The following EPAS1 variants were observed in gnomAD, a reference collection of about 807,000 sequenced individuals.
EPAS1 encodes the protein endothelial PAS domain protein 1.
EPAS1 carries 23 observed loss-of-function variants against 87.9 expected under a neutral mutation model. The observed-to-expected ratio is 0.26, with a 90% CI of 0.19 to 0.37. EPAS1 has a LOEUF of 0.37. Among genes scored for constraint, EPAS1 ranks in the 10% least tolerant of loss-of-function variants. The pLI is 1.00. For synonymous variants in EPAS1, 508 were observed against 444.3 expected, an observed-to-expected ratio of 1.14 and a Z score of -1.80; for missense variants, 1,138 against 1,120.7, an observed-to-expected ratio of 1.02 and a Z score of -0.22.
At chr2:46,367,611 G>A (rs1306466273) in intron 6 of EPAS1, among the ~76,000 whole-genome samples, 1 of 152,230 alleles carries the variant, frequency 6.6e-6, no homozygotes, top group Non-Finnish European at 1.5e-5. Context: ...TTGCTAATGA[G>A]TTCAGAGACC....
At chr2:46,364,995 A>G (rs1684471613) in intron 6 of EPAS1, among the ~76,000 whole-genome samples, 2 of 152,212 alleles carry the variant, frequency 1.3e-5, no homozygotes, top group African/African-American at 4.8e-5. Context: ...ATTTACCCAA[A>G]AGGAAGACAA....
intron 4 of EPAS1, among the ~76,000 whole-genome samples, chr2:46,359,995 A>C (rs1684355511): frequency 6.6e-6 from 1 of 152,208 alleles, no homozygotes; most frequent in African/African-American, 2.4e-5. Context: ...GTTAATCCAT[A>C]AAGTGGACTT....
chr2:46,326,989 G>A (rs1376266631), intron 1 of EPAS1, among the ~76,000 whole-genome samples: 1 of 152,130 alleles, frequency 6.6e-6, no homozygotes, highest in Non-Finnish European at 1.5e-5. Flanking sequence ...TTCTTCAACT[G>A]CAAAATGTAG....
intron 1 of EPAS1, among the ~76,000 whole-genome samples, chr2:46,338,324 A>C (rs1346204009): frequency 6.6e-6 from 1 of 152,246 alleles, no homozygotes; most frequent in Non-Finnish European, 1.5e-5. Flanking sequence ...GGAAAGAGTC[A>C]CATGTGGTTG....
rs904431250 is a variant in EPAS1 at position 46,300,730 on chromosome 2, A to G, written c.26+2793A>G. On this transcript the variant is annotated intron_variant, in intron 1 of 15. Coordinates refer to ENST00000263734, the MANE Select transcript of EPAS1 (RefSeq NM_001430.5). This position sits in a 1 kb window ranked among gnomAD's most constrained non-coding sequence, Gnocchi z 4.1. ...CAAATGTAAATGAGATCCTTGGATA[A>G]TCAGGGATCAAAGTCCAGTCCCAAA... Among the ~76,000 whole-genome samples the G allele has an allele frequency of 2.0e-5, 3 of 152,200 alleles. No homozygotes were observed. Among genetic ancestry groups the G allele is most frequent in the Non-Finnish European group, 4.4e-5 (3 of 68,044 alleles).
rs148320254 is a variant in EPAS1 at position 46,364,625 on chromosome 2, A to T, written c.779+3535A>T. On this transcript the variant is annotated intron_variant, in intron 6 of 15. Transcript: ENST00000263734. Reference sequence around the variant, plus strand: ...TGCATTAATTGTTTTTAAAATAGTAAATACTTTTAAAAGTAAATTTCATAA... The same window carrying T: ...TGCATTAATTGTTTTTAAAATAGTATATACTTTTAAAAGTAAATTTCATAA... Among the ~76,000 whole-genome samples the T allele has an allele frequency of 4.5e-4, 68 of 152,330 alleles. No homozygotes were observed. In the East Asian group the frequency reaches 0.013, roughly 29 times the overall value.
At chr2:46,306,956 A>G (rs146421762) in intron 1 of EPAS1, among the ~76,000 whole-genome samples, 120 of 152,354 alleles carry the variant, frequency 7.9e-4, no homozygotes, top group African/African-American at 2.8e-3. Flanking sequence ...AAATGAAAAC[A>G]ATCACACTTA....
intron 4 of EPAS1, among the ~76,000 whole-genome samples, chr2:46,359,266 A>AAAAAAAAAAAAAAAAAAAAAC (rs1684336983): frequency 6.8e-6 from 1 of 147,332 alleles, no homozygotes; most frequent in Non-Finnish European, 1.5e-5. Flanking sequence ...TCAAAAAAAA[A>AAAAAAAAAAAAAAAAAAAAAC]AAAAAAAAAA....
Position 46,380,665 on chromosome 2 carries a change from G to A in EPAS1, c.1993G>A (p.Ala665Thr). 1 of 1,614,054 alleles carries A rather than the reference G, an allele frequency of 6.2e-7. No individual in the cohort carries two copies. The highest frequency in any genetic ancestry group is 8.5e-7 in the Non-Finnish European group (1 of 1,180,024). The change falls in exon 12 of 16, where the codon GCG becomes ACG. Residue 665 changes from alanine to threonine, a missense_variant. Physicochemically the swap from Ala to Thr is moderately conservative, Grantham distance 58. Transcript: ENST00000263734. This position sits in a 1 kb window ranked among gnomAD's most constrained non-coding sequence, Gnocchi z 4.4. ...GDQRTEFLGA[A>T]PLGPPVSPPH... ...TCAGCGCACAGAGTTCTTGGGAGCA[G>A]CGCCGTTGGGGCCCCCTGTCTCTCC...
intron 2 of EPAS1, among the ~76,000 whole-genome samples, chr2:46,355,420 C>T (rs995170402): frequency 2.0e-5 from 3 of 152,188 alleles, no homozygotes; most frequent in African/African-American, 7.2e-5. Context: ...CTTCTGGATT[C>T]AGCTGTCAAA....
intron 6 of EPAS1, among the ~76,000 whole-genome samples, chr2:46,365,132 T>C (rs1321194922): frequency 1.3e-5 from 2 of 152,206 alleles, no homozygotes; most frequent in East Asian, 1.9e-4. Flanking sequence ...GGCCAGGCCT[T>C]TCTAATTATC....
chr2:46,381,437 G>C, intron 12 of EPAS1, 159 bp from the exon 13 acceptor site: 2 of 1,130,932 alleles, frequency 1.8e-6, no homozygotes, highest in East Asian at 2.5e-5. Context: ...GCTCGAGCTC[G>C]GCCTGCAGGT....
intron 1 of EPAS1, chr2:46,335,680 C>T (rs901704074): frequency 2.0e-5 from 3 of 151,872 alleles, no homozygotes; most frequent in African/African-American, 7.3e-5. Flanking sequence ...AGAGGAGGAA[C>T]GACTTCTACT....
At chr2:46,321,283 G>T (rs1480274482) in intron 1 of EPAS1, among the ~76,000 whole-genome samples, 1 of 152,214 alleles carries the variant, frequency 6.6e-6, no homozygotes, top group Non-Finnish European at 1.5e-5. Flanking sequence ...CTGGTCTTCT[G>T]TCAAGGGACA....
At chr2:46,359,103 A>C (rs1296109892) in intron 4 of EPAS1, among the ~76,000 whole-genome samples, 3 of 151,884 alleles carry the variant, frequency 2.0e-5, no homozygotes, top group African/African-American at 7.3e-5. Flanking sequence ...TACCAAAAAT[A>C]CAAAAATTAG....
chr2:46,382,660 C>CTACT, intron 15 of EPAS1, 62 bp downstream of exon 15: 1 of 1,601,480 alleles, frequency 6.2e-7, no homozygotes, highest in Non-Finnish European at 8.5e-7. Context: ...AAGCCCACGT[C>CTACT]TACTTTTTTT....
chr2:46,363,241 C>T (rs552552318), intron 6 of EPAS1, among the ~76,000 whole-genome samples: 4 of 152,150 alleles, frequency 2.6e-5, no homozygotes, highest in African/African-American at 4.8e-5. Flanking sequence ...TGGCTCAAGC[C>T]GACGTAGCCA....
At chr2:46,335,968 C>A (rs895025672) in intron 1 of EPAS1, 1 of 152,218 alleles carries the variant, frequency 6.6e-6, no homozygotes, top group South Asian at 2.1e-4. Context: ...CTCTTGTTCA[C>A]GCTGCAGGAG....
intron 4 of EPAS1, among the ~76,000 whole-genome samples, chr2:46,359,873 G>C (rs1206413664): frequency 6.6e-6 from 1 of 152,238 alleles, no homozygotes; most frequent in African/African-American, 2.4e-5. Flanking sequence ...TTTACAAAAA[G>C]TGGAAAATGG....
Sources: allele counts gnomAD v4.1 joint callset (sites outside exome capture counted in the v4.1 genomes callset), GRCh38; gene constraint gnomAD v4.1.1; non-coding constraint Gnocchi (gnomAD v3.1); transcripts MANE v1.5; gene names NCBI Gene and HGNC (gene_info 2026-07-23, HGNC 2026-07-21).